The following PLCXD3 variants were observed in gnomAD, a reference collection of about 807,000 sequenced individuals.
The protein encoded by PLCXD3 is phosphatidylinositol specific phospholipase C X domain containing 3, also known as PI-PLC X domain-containing protein 3.
A neutral mutation model predicts 25.5 loss-of-function variants in PLCXD3; 19 were observed. That is an observed-to-expected ratio of 0.75 (90% CI 0.52 to 1.09). The LOEUF (loss-of-function observed/expected upper bound fraction) is 1.09, where lower values mean the gene tolerates loss of function less well. Among genes scored for constraint, PLCXD3 ranks in the 50% least tolerant of loss-of-function variants. PLCXD3 has a pLI of 0.00. For missense variants in PLCXD3, 411 were observed against 388.1 expected (o/e 1.06, Z -0.50); for synonymous variants, 174 against 137.6 (o/e 1.26, Z -1.85).
intron 2 of PLCXD3, among the ~76,000 whole-genome samples, chr5:41,356,827 C>T (rs1414425991): frequency 1.3e-5 from 2 of 152,162 alleles, no homozygotes; most frequent in African/African-American, 2.4e-5. Context: ...TGGGTCATCC[C>T]TCCTGGAGGG....
chr5:41,450,938 G>C (rs923922005), intron 1 of PLCXD3, among the ~76,000 whole-genome samples: 2 of 152,086 alleles, frequency 1.3e-5, no homozygotes, highest in Non-Finnish European at 1.5e-5. Flanking sequence ...ATAGGAGGCT[G>C]ATTATCAAAG....
intron 1 of PLCXD3, among the ~76,000 whole-genome samples, chr5:41,439,658 C>T (rs1295418377): frequency 6.6e-6 from 1 of 152,082 alleles, no homozygotes; most frequent in Non-Finnish European, 1.5e-5. Flanking sequence ...TAACCTCTTC[C>T]AAATGTCTTT....
intron 1 of PLCXD3, among the ~76,000 whole-genome samples, chr5:41,467,745 G>C (rs1196811319): frequency 6.6e-6 from 1 of 152,120 alleles, no homozygotes; most frequent in Non-Finnish European, 1.5e-5. Context: ...TGTAGTATAA[G>C]ATTAGAGTCT....
At chr5:41,356,029 C>T (rs1036361006) in intron 2 of PLCXD3, among the ~76,000 whole-genome samples, 16 of 152,094 alleles carry the variant, frequency 1.1e-4, no homozygotes, top group African/African-American at 3.6e-4. Flanking sequence ...CATTGGGAGG[C>T]TGAGGTGTGT....
chr5:41,488,498 C>T (rs1468786945), intron 1 of PLCXD3, among the ~76,000 whole-genome samples: 17 of 123,674 alleles, frequency 1.4e-4, no homozygotes, highest in Non-Finnish European at 1.8e-4. Flanking sequence ...CCTGAGGAAT[C>T]GCCACACTGA....
At chr5:41,468,009 CTTTTTTTT>C (rs145732089) in intron 1 of PLCXD3, among the ~76,000 whole-genome samples, 4 of 52,404 alleles carry the variant, frequency 7.6e-5, no homozygotes, top group East Asian at 1.6e-3. Context: ...CAGCTTTATT[CTTTTTTTT>C]TTTTTTTTTT....
intron 1 of PLCXD3, among the ~76,000 whole-genome samples, chr5:41,395,597 A>G (rs897717331): frequency 9.9e-5 from 15 of 152,126 alleles, no homozygotes; most frequent in African/African-American, 3.6e-4. Flanking sequence ...AGACTATCTA[A>G]ATAAAATTAG....
intron 2 of PLCXD3, among the ~76,000 whole-genome samples, chr5:41,368,339 CTGT>C (rs1744996351): frequency 2.0e-5 from 3 of 152,074 alleles, no homozygotes; most frequent in Admixed American, 1.3e-4. Flanking sequence ...AGCTACTTGC[CTGT>C]TGTTGGTTTA....
intron 1 of PLCXD3, among the ~76,000 whole-genome samples, chr5:41,410,641 C>T (rs553178257): frequency 2.0e-5 from 3 of 152,274 alleles, no homozygotes; most frequent in Non-Finnish European, 4.4e-5. Context: ...GAAGGAGGCT[C>T]AAGTGTAGGG....
At chr5:41,333,115 T>A (rs1045412028) in intron 2 of PLCXD3, among the ~76,000 whole-genome samples, 1 of 151,168 alleles carries the variant, frequency 6.6e-6, no homozygotes, top group African/African-American at 2.4e-5. Context: ...TAATATAAAA[T>A]AAAAGACAAA....
intron 1 of PLCXD3, among the ~76,000 whole-genome samples, chr5:41,481,785 G>A (rs1197193912): frequency 2.0e-5 from 3 of 152,210 alleles, no homozygotes; most frequent in African/African-American, 7.2e-5. Flanking sequence ...TCTGGGATGA[G>A]CCCCTTAGCC....
In PLCXD3 at chr5:41,313,494, C is replaced by T; in HGVS notation, c.*123G>A. ...GAAACAGTTTTTCCCCTTTTCCCAC[C>T]CACTACCAGCCCTATTCCCTTCAGA... On this transcript the variant is annotated 3_prime_UTR_variant, in exon 3 of 3. Coordinates refer to ENST00000377801, the MANE Select transcript of PLCXD3 (RefSeq NM_001005473.3). 1 of 1,113,700 alleles carries T rather than the reference C, an allele frequency of 9.0e-7. No homozygotes were observed. Among genetic ancestry groups the T allele is most frequent in the South Asian group, 1.5e-5 (1 of 65,502 alleles). The allele number at this position is 1,113,700 out of a possible 1,614,324, so 69.0% of individuals were successfully genotyped here.
chr5:41,387,237 C>T (rs566791357), intron 1 of PLCXD3, among the ~76,000 whole-genome samples: 4 of 152,168 alleles, frequency 2.6e-5, no homozygotes, highest in South Asian at 2.1e-4. Context: ...CTGTGAACAA[C>T]CAGCAAGCTT....
intron 1 of PLCXD3, among the ~76,000 whole-genome samples, chr5:41,441,119 T>C (rs979425633): frequency 6.6e-6 from 1 of 152,206 alleles, no homozygotes; most frequent in Non-Finnish European, 1.5e-5. Context: ...ATTCATTTCA[T>C]TTTTCTTTAA....
At chr5:41,441,214 G>T (rs191588827) in intron 1 of PLCXD3, among the ~76,000 whole-genome samples, 1 of 152,174 alleles carries the variant, frequency 6.6e-6, no homozygotes, top group East Asian at 1.9e-4. Flanking sequence ...AAGAAGACTT[G>T]TAATGAAAAG....
At chr5:41,449,281 G>GA (rs2150513631) in intron 1 of PLCXD3, among the ~76,000 whole-genome samples, 1 of 152,196 alleles carries the variant, frequency 6.6e-6, no homozygotes, top group South Asian at 2.1e-4. Flanking sequence ...CCAAAGCTCA[G>GA]AAAAAAATTT....
At chr5:41,329,357 G>A (rs556064351) in intron 2 of PLCXD3, among the ~76,000 whole-genome samples, 1 of 152,286 alleles carries the variant, frequency 6.6e-6, no homozygotes, top group South Asian at 2.1e-4. Flanking sequence ...TTTGAGGGCT[G>A]TTTTCCTACT....
chr5:41,377,527 C>CT (rs1745332137), intron 2 of PLCXD3, among the ~76,000 whole-genome samples: 2 of 151,998 alleles, frequency 1.3e-5, no homozygotes, highest in Non-Finnish European at 2.9e-5. Context: ...TGCACACCTT[C>CT]TTTTTAAGAA....
At chr5:41,496,853 A>G (rs1748851714) in intron 1 of PLCXD3, among the ~76,000 whole-genome samples, 1 of 151,862 alleles carries the variant, frequency 6.6e-6, no homozygotes, top group South Asian at 2.1e-4. Flanking sequence ...GAGTTAAAAG[A>G]CAAGAATGTT....
Sources: gnomAD v4.1 joint callset for allele counts (sites outside exome capture counted in the v4.1 genomes callset) on GRCh38, gnomAD v4.1.1 for gene constraint, MANE v1.5 for transcripts, NCBI Gene and HGNC (gene_info 2026-07-23, HGNC 2026-07-21) for gene names.